Variants in MAPKAPK5 observed in about 807,000 individuals in gnomAD.
The protein encoded by MAPKAPK5 is MAP kinase-activated protein kinase 5.
MAPKAPK5 carries 30 observed loss-of-function variants against 65.1 expected under a neutral mutation model. The ratio of observed to expected loss-of-function variants is 0.46; its 90% confidence interval spans 0.34 to 0.63. The LOEUF is 0.63. MAPKAPK5 is among the 20% of genes least tolerant of loss of function. The pLI, the probability that MAPKAPK5 is intolerant of heterozygous loss-of-function variation, is 0.01. For missense variants in MAPKAPK5, 433 were observed against 581.4 expected (o/e 0.74, Z 2.63); for synonymous variants, 179 against 204.6 (o/e 0.87, Z 1.07).
intron 7 of MAPKAPK5, among the ~76,000 whole-genome samples, chr12:111,878,774 G>A (rs2070087937): frequency 6.6e-6 from 1 of 152,096 alleles, no homozygotes; most frequent in Non-Finnish European, 1.5e-5. Flanking sequence ...GAAAAAGGCT[G>A]TCTTTTCTCT....
chr12:111,870,522 G>A (rs1448537662), intron 6 of MAPKAPK5, among the ~76,000 whole-genome samples, 162 bp downstream of exon 6: 1 of 152,186 alleles, frequency 6.6e-6, no homozygotes, highest in Non-Finnish European at 1.5e-5. Flanking sequence ...GCTCAGAGAA[G>A]CTGTACTACT....
rs139123114 is a variant in MAPKAPK5 at position 111,856,854 on chromosome 12, C to G, written c.37-8396C>G. On this transcript the variant is annotated intron_variant, in intron 1 of 13. Coordinates refer to ENST00000550735, the MANE Select transcript of MAPKAPK5 (RefSeq NM_003668.4). ...AGAAAGGAATAAAATATATTTACAG[C>G]CTTTTATGTTAACCTACAGTATATT... 5.6e-4 allele frequency among the ~76,000 whole-genome samples: 86 copies of G among 152,226 alleles called. No homozygotes were observed. The East Asian group carries it at 0.012, about 21-fold the overall frequency.
At chr12:111,873,537 G>A (rs2069854673) in intron 7 of MAPKAPK5, among the ~76,000 whole-genome samples, 1 of 152,118 alleles carries the variant, frequency 6.6e-6, no homozygotes, top group Non-Finnish European at 1.5e-5. Flanking sequence ...TAGAGACGGG[G>A]TTTCACCATG....
rs934860809 is a variant in MAPKAPK5 at position 111,900,784 on chromosome 12, C to T, written c.*7723C>T. The T allele has an allele frequency of 2.2e-6, 1 of 455,994 alleles. No homozygotes were observed. The highest frequency in any genetic ancestry group is 2.0e-5 in the African/African-American group (1 of 50,078). 28.2% of individuals were successfully genotyped at this position (455,994 alleles called of 1,614,324 possible). ...CTCCCAGAATTTTGCAATGGTACAT[C>T]TGCATTATGCCCCAACAACAGGCAT... On this transcript the variant is annotated 3_prime_UTR_variant, in exon 14 of 14. Coordinates refer to ENST00000550735, the MANE Select transcript of MAPKAPK5 (RefSeq NM_003668.4).
intron 3 of MAPKAPK5, 99 bp from the exon 4 acceptor site, chr12:111,867,473 G>C: frequency 1.3e-6 from 1 of 773,964 alleles, no homozygotes; most frequent in Non-Finnish European, 2.2e-6. Context: ...AAGTGATAAA[G>C]TTTTTATTGT....
chr12:111,886,505 T>G (rs1795801463), intron 10 of MAPKAPK5, among the ~76,000 whole-genome samples: 1 of 152,270 alleles, frequency 6.6e-6, no homozygotes, highest in Admixed American at 6.5e-5. Flanking sequence ...ACCCCTCACA[T>G]GTATTAACTG....
Position 111,896,067 on chromosome 12 carries a change from G to A in MAPKAPK5, c.*3006G>A, listed in dbSNP as rs1297059634. On this transcript the variant is annotated 3_prime_UTR_variant, in exon 14 of 14. Coordinates refer to ENST00000550735, the MANE Select transcript of MAPKAPK5 (RefSeq NM_003668.4). ...GCAGAGGTTCAGTATTCCATGGGGA[G>A]AAAAAAACAGTAATTATCTTTGTTA... The A allele has an allele frequency of 1.3e-5, 2 of 151,978 alleles. No individual in the cohort carries two copies. Among genetic ancestry groups the A allele is most frequent in the Admixed American group, 6.6e-5 (1 of 15,260 alleles). The allele number at this position is 151,978 out of a possible 1,614,324, so 9.4% of individuals were successfully genotyped here.
At chr12:111,862,613 A>C (rs1339990072) in intron 1 of MAPKAPK5, among the ~76,000 whole-genome samples, 1 of 152,160 alleles carries the variant, frequency 6.6e-6, no homozygotes, top group African/African-American at 2.4e-5. Context: ...AGGCAGGAGA[A>C]TCGCTTGAAC....
intron 9 of MAPKAPK5, among the ~76,000 whole-genome samples, chr12:111,885,114 C>T (rs1483450289): frequency 6.6e-6 from 1 of 152,178 alleles, no homozygotes; most frequent in African/African-American, 2.4e-5. Flanking sequence ...CACTGATTAT[C>T]TTTTTGGTTT....
At position 111,901,006 on chromosome 12, in the gene MAPKAPK5, G is replaced by A. The variant is rs1036183995; in HGVS notation, c.*7945G>A. On this transcript the variant is annotated 3_prime_UTR_variant, in exon 14 of 14. Transcript: ENST00000550735. ...ACCAGTCCTGGGTCACAATATGTTC[G>A]GTGTTCAGATGGTAATATATTTTGT... 1.3e-5 allele frequency: 6 copies of A among 455,910 alleles called. No individual in the cohort carries two copies. Among genetic ancestry groups the A allele is most frequent in the Non-Finnish European group, 2.6e-5 (6 of 226,806 alleles). The allele number at this position is 455,910 out of a possible 1,614,324, so 28.2% of individuals were successfully genotyped here.
At chr12:111,876,689 A>T (rs1012480167) in intron 7 of MAPKAPK5, among the ~76,000 whole-genome samples, 1 of 152,204 alleles carries the variant, frequency 6.6e-6, no homozygotes, top group African/African-American at 2.4e-5. Flanking sequence ...CATATATATT[A>T]GACTGTACAG....
rs2070310022 is a variant in MAPKAPK5 at position 111,883,610 on chromosome 12, T to A, written c.690T>A (p.Ile230=). ...KSCDLWSLGV[I]IYVMLCGYPP... is the part of the protein sequence containing the mutation. Reference sequence around the variant, plus strand: ...GTGACTTGTGGTCCCTAGGGGTGATTATCTATGTGATGCTGTGCGGATACC... The same window carrying A: ...GTGACTTGTGGTCCCTAGGGGTGATAATCTATGTGATGCTGTGCGGATACC... The change falls in exon 9 of 14, where the codon ATT becomes ATA. Residue 230 remains isoleucine (I), a synonymous_variant. Transcript: ENST00000550735. This position sits in a 1 kb window ranked among gnomAD's most constrained non-coding sequence, Gnocchi z 4.8. 6.2e-7 allele frequency: 1 copy of A among 1,613,886 alleles called. No individual in the cohort carries two copies. The highest frequency in any genetic ancestry group is 8.5e-7 in the Non-Finnish European group (1 of 1,179,828).
At position 111,868,819 on chromosome 12, in the gene MAPKAPK5, C is replaced by T. The variant is rs775379599; in HGVS notation, c.351C>T (p.His117=). Residue 117 remains histidine (H), a synonymous_variant, in exon 5 of 14, where the codon CAC becomes CAT. Transcript: ENST00000550735. ...AGCTATTTCACAGAATCAGCCAGCA[C>T]CGGCACTTTACAGAGAAGCAAGCCA... ...GGELFHRISQ[H]RHFTEKQASQ... The T allele has an allele frequency of 7.8e-5, 122 of 1,567,582 alleles. 1 individual carries two copies. The South Asian group carries it at 1.4e-3, about 18-fold the overall frequency.
chr12:111,898,770 G>A lies in MAPKAPK5; in HGVS notation c.*5709G>A, dbSNP rs1316699693. 1 of 152,196 alleles carries A rather than the reference G, an allele frequency of 6.6e-6. No individual in the cohort carries two copies. The highest frequency in any genetic ancestry group is 2.4e-5 in the African/African-American group (1 of 41,432). The allele number at this position is 152,196 out of a possible 1,614,324, so 9.4% of individuals were successfully genotyped here. A position where few individuals can be genotyped will look rare whatever the true frequency, so the allele number is the denominator to read the frequency against. On this transcript the variant is annotated 3_prime_UTR_variant, in exon 14 of 14. Coordinates refer to ENST00000550735, the MANE Select transcript of MAPKAPK5 (RefSeq NM_003668.4). The stretch of plus-strand genomic sequence containing the variant: ...ATGGTACCCTGAAAACTGCAGAAAT[G>A]AGGGAAAGAGGCAGTGGGCCACAAA...
chr12:111,870,570 T>C (rs570793235), intron 6 of MAPKAPK5, among the ~76,000 whole-genome samples: 2 of 152,296 alleles, frequency 1.3e-5, no homozygotes, highest in East Asian at 1.9e-4. Flanking sequence ...GATACTGATA[T>C]GTATTTGTGG....
At chr12:111,888,318 G>A in intron 10 of MAPKAPK5, 170 bp from the exon 11 acceptor site, 1 of 855,430 alleles carries the variant, frequency 1.2e-6, no homozygotes, top group Non-Finnish European at 1.7e-6. Flanking sequence ...CCTGGTTCCT[G>A]TTGATCCATG....
intron 1 of MAPKAPK5, among the ~76,000 whole-genome samples, chr12:111,863,148 G>C (rs1294816322): frequency 6.6e-6 from 1 of 152,176 alleles, no homozygotes; most frequent in Non-Finnish European, 1.5e-5. Flanking sequence ...GAGGACGCCA[G>C]AGCCATAGAT....
chr12:111,886,965 T>C (rs1011261716), intron 10 of MAPKAPK5, among the ~76,000 whole-genome samples: 1 of 152,204 alleles, frequency 6.6e-6, no homozygotes, highest in Non-Finnish European at 1.5e-5. Context: ...AGACTAGATA[T>C]AAGGGGACAG....
chr12:111,861,805 G>A (rs947491093), intron 1 of MAPKAPK5, among the ~76,000 whole-genome samples: 1 of 152,166 alleles, frequency 6.6e-6, no homozygotes, highest in African/African-American at 2.4e-5. Flanking sequence ...CTCTGTTGTT[G>A]TAGTGTGAAA....
Sources: gnomAD v4.1 joint callset for allele counts (sites outside exome capture counted in the v4.1 genomes callset) on GRCh38, gnomAD v4.1.1 for gene constraint, Gnocchi (gnomAD v3.1) non-coding constraint, MANE v1.5 for transcripts, NCBI Gene and HGNC (gene_info 2026-07-23, HGNC 2026-07-21) for gene names.